Variants in TLE3 observed in about 807,000 individuals in gnomAD.
TLE3 encodes TLE family member 3, transcriptional corepressor.
TLE3 carries 14 observed loss-of-function variants against 93.0 expected under a neutral mutation model. The observed-to-expected ratio is 0.15, with a 90% CI of 0.10 to 0.24. The LOEUF (loss-of-function observed/expected upper bound fraction) is 0.24, where lower values mean the gene tolerates loss of function less well. Among genes scored for constraint, TLE3 ranks in the 10% least tolerant of loss-of-function variants. The pLI, the probability that TLE3 is intolerant of heterozygous loss-of-function variation, is 1.00. For synonymous variants in TLE3, 451 were observed against 425.0 expected (o/e 1.06, Z -0.75); for missense variants, 693 against 1,046.6 (o/e 0.66, Z 4.66).
intron 8 of TLE3, among the ~76,000 whole-genome samples, chr15:70,063,763 G>A (rs1372725709): frequency 3.9e-5 from 6 of 152,236 alleles, no homozygotes; most frequent in African/African-American, 1.4e-4. Flanking sequence ...GAGCCTCAGT[G>A]TGATCAGAAA....
At position 70,054,639 on chromosome 15, in the gene TLE3, C is replaced by G; in HGVS notation, c.1625G>C (p.Arg542Pro). The change falls in exon 16 of 20, where the codon CGC (arginine) becomes CCC (proline). Residue 542 changes from arginine to proline, a missense_variant. Coordinates refer to ENST00000451782, the MANE Select transcript of TLE3 (RefSeq NM_001105192.3). ...GGCCTCGCCGCCCACGATGAGCGTG[C>G]GCCCATCAGGGAGCAGCTTGCAGGA... Reference protein sequence around the residue: ...IRSCKLLPDGRTLIVGGEAST... With the variant: ...IRSCKLLPDGPTLIVGGEAST... 6.2e-7 allele frequency: 1 copy of G among 1,608,258 alleles called. No individual in the cohort carries two copies. The highest frequency in any genetic ancestry group is 8.5e-7 in the Non-Finnish European group (1 of 1,176,174).
intron 10 of TLE3, 137 bp downstream of exon 10, chr15:70,059,272 AC>A: frequency 1.0e-6 from 1 of 994,982 alleles, no homozygotes; most frequent in South Asian, 1.7e-5. Flanking sequence ...ACCCCCTGAG[AC>A]CCCAAGACTG....
chr15:70,065,989 A>AGCCCCCCCC, intron 7 of TLE3, 25 bp downstream of exon 7: 1 of 712,588 alleles, frequency 1.4e-6, no homozygotes, highest in Non-Finnish European at 2.3e-6. Flanking sequence ...GCCCCGCCCC[A>AGCCCCCCCC]CCCTCTGCCC....
chr15:70,081,318 C>T (rs1005524410), intron 4 of TLE3, among the ~76,000 whole-genome samples: 4 of 152,236 alleles, frequency 2.6e-5, no homozygotes, highest in Admixed American at 6.5e-5. Context: ...CAGAGCATCA[C>T]ATGAATTTAC....
Position 70,097,605 on chromosome 15 carries a change from C to T in TLE3, c.-807G>A. The stretch of plus-strand genomic sequence containing the variant: ...CTCGCTGCTCCCAGCTTGAGCACCG[C>T]GTCCCCACCGAGGAGCGCTCAGCGC... On this transcript the variant is annotated 5_prime_UTR_variant, in exon 1 of 20. Transcript: ENST00000451782. 2.5e-6 allele frequency: 1 copy of T among 398,436 alleles called. No individual in the cohort carries two copies. The highest frequency in any genetic ancestry group is 4.4e-6 in the Non-Finnish European group (1 of 225,884). The allele number at this position is 398,436 out of a possible 1,614,324, so 24.7% of individuals were successfully genotyped here. A position where few individuals can be genotyped will look rare whatever the true frequency, so the allele number is the denominator to read the frequency against.
intron 4 of TLE3, among the ~76,000 whole-genome samples, chr15:70,090,904 T>C (rs1314508261): frequency 6.6e-6 from 1 of 152,226 alleles, no homozygotes; most frequent in Non-Finnish European, 1.5e-5. Context: ...GCCAGTTTTG[T>C]AGCCTTAGCC....
At chr15:70,051,148 G>A (rs528867258) in intron 19 of TLE3, 118 of 383,616 alleles carry the variant, frequency 3.1e-4, no homozygotes, top group African/African-American at 2.4e-3. Flanking sequence ...CGGCTTAGAA[G>A]CCCTTGCCCT....
At chr15:70,066,537 C>T (rs909603394) in intron 6 of TLE3, 20 of 275,466 alleles carry the variant, frequency 7.3e-5, no homozygotes, top group South Asian at 1.1e-4. Context: ...TTTAAAAAAC[C>T]GCAGAGTCAT....
At chr15:70,096,377 C>T (rs2058563491) in intron 1 of TLE3, 116 bp from the exon 2 acceptor site, 2 of 1,481,096 alleles carry the variant, frequency 1.4e-6, no homozygotes, top group Non-Finnish European at 1.8e-6. Flanking sequence ...CAGCCCAGAA[C>T]CTTCCCAGCA....
At position 70,056,079 on chromosome 15, in the gene TLE3, G is replaced by A. The variant is rs1003736367; in HGVS notation, c.1328+219C>T. On this transcript the variant is annotated intron_variant, in intron 14 of 19. Coordinates refer to ENST00000451782, the MANE Select transcript of TLE3 (RefSeq NM_001105192.3). ...TAGCTAACTCCATGGCTCCTCTGTC[G>A]GAGGGAGCTTCTGTGGGTGCTCAGA... 21 of 620,892 alleles carry A rather than the reference G, an allele frequency of 3.4e-5. No individual in the cohort carries two copies. The Middle Eastern group carries it at 1.7e-3, about 50-fold the overall frequency. The allele number at this position is 620,892 out of a possible 1,614,324, so 38.5% of individuals were successfully genotyped here. A position where few individuals can be genotyped will look rare whatever the true frequency, so the allele number is the denominator to read the frequency against.
chr15:70,093,411 G>A (rs1351204538), intron 4 of TLE3, among the ~76,000 whole-genome samples: 9 of 152,196 alleles, frequency 5.9e-5, no homozygotes, highest in Admixed American at 5.9e-4. Context: ...CACCTGCCCT[G>A]GGTCCTGCCT....
At chr15:70,055,324 C>T (rs1200152398) in intron 14 of TLE3, 26 bp from the exon 15 acceptor site, 7 of 1,543,778 alleles carry the variant, frequency 4.5e-6, no homozygotes, top group Non-Finnish European at 6.1e-6. Context: ...ACCGTCACTG[C>T]TGCCATCCAC....
intron 4 of TLE3, among the ~76,000 whole-genome samples, chr15:70,079,854 G>C (rs1469128572): frequency 6.6e-6 from 1 of 151,914 alleles, no homozygotes; most frequent in African/African-American, 2.4e-5. Context: ...TTTTCAGATG[G>C]GGAAACTGAT....
chr15:70,059,577 A>T, intron 9 of TLE3, 117 bp from the exon 10 acceptor site: 1 of 942,296 alleles, frequency 1.1e-6, no homozygotes, highest in Non-Finnish European at 1.6e-6. Flanking sequence ...GCCAAACCCC[A>T]AAGTCCATGC....
chr15:70,054,320 C>T (rs942413107), intron 16 of TLE3, 118 bp downstream of exon 16: 39 of 1,441,320 alleles, frequency 2.7e-5, no homozygotes, highest in East Asian at 1.8e-4. Flanking sequence ...CTCATCCCAA[C>T]GGTTCTGGCC....
At chr15:70,067,573 C>T (rs557835077) in intron 6 of TLE3, among the ~76,000 whole-genome samples, 2 of 152,328 alleles carry the variant, frequency 1.3e-5, no homozygotes, top group African/African-American at 2.4e-5. Flanking sequence ...ATCTGAGAAG[C>T]TTCCAGATCT....
In TLE3 at chr15:70,096,887, G is replaced by T. The variant is rs761965040; in HGVS notation, c.-89C>A. ...GGGGAGGGGGGAGCCGAGCCCGAGC[G>T]GGGGGCGGCCGGGAAACCGAGAGCT... is the stretch of plus-strand genomic sequence containing the variant. On this transcript the variant is annotated 5_prime_UTR_variant, in exon 1 of 20. Coordinates refer to ENST00000451782, the MANE Select transcript of TLE3 (RefSeq NM_001105192.3). The T allele has an allele frequency of 1.2e-5, 17 of 1,469,806 alleles. No homozygotes were observed. The highest frequency in any genetic ancestry group is 1.5e-5 in the Non-Finnish European group (16 of 1,080,790). 91.0% of individuals were successfully genotyped at this position (1,469,806 alleles called of 1,614,324 possible).
Position 70,097,848 on chromosome 15 carries a change from C to G in TLE3, c.-1050G>C, listed in dbSNP as rs921555299. Reference sequence around the variant, plus strand: ...AAAAGTGCCCCGGACCTACGGATACCACACACAGACAGGCGAAGGGGACGA... The same window carrying G: ...AAAAGTGCCCCGGACCTACGGATACGACACACAGACAGGCGAAGGGGACGA... On this transcript the variant is annotated 5_prime_UTR_variant, in exon 1 of 20. Transcript: ENST00000451782. 8.6e-6 allele frequency: 3 copies of G among 347,870 alleles called. No individual in the cohort carries two copies. Among genetic ancestry groups the G allele is most frequent in the African/African-American group, 6.3e-5 (3 of 47,372 alleles). The allele number at this position is 347,870 out of a possible 1,614,324, so 21.5% of individuals were successfully genotyped here.
At chr15:70,090,967 A>C (rs983686148) in intron 4 of TLE3, among the ~76,000 whole-genome samples, 71 of 152,290 alleles carry the variant, frequency 4.7e-4, no homozygotes, top group African/African-American at 1.6e-3. Context: ...CACAGAATAC[A>C]CTAGAAAAGG....
Sources: allele counts gnomAD v4.1 joint callset (sites outside exome capture counted in the v4.1 genomes callset), GRCh38; gene constraint gnomAD v4.1.1; transcripts MANE v1.5; gene names NCBI Gene and HGNC (gene_info 2026-07-23, HGNC 2026-07-21).